EYA2: variants seen among roughly 807,000 people sequenced by gnomAD.
EYA2 encodes the protein EYA transcriptional coactivator and phosphatase 2, also known as protein phosphatase EYA2.
EYA2 carries 31 observed loss-of-function variants against 69.2 expected under a neutral mutation model. The ratio of observed to expected loss-of-function variants is 0.45; its 90% confidence interval spans 0.34 to 0.60. EYA2 has a LOEUF of 0.60. Ranked by LOEUF, EYA2 falls within the 20% of genes least tolerant of loss-of-function variation. EYA2 has a pLI of 0.02. For synonymous variants in EYA2, 257 were observed against 279.4 expected (o/e 0.92, Z 0.80); for missense variants, 622 against 701.2 (o/e 0.89, Z 1.28).
At chr20:46,989,270 G>A (rs3761149) in intron 1 of EYA2, among the ~76,000 whole-genome samples, 25 of 151,900 alleles carry the variant, frequency 1.6e-4, no homozygotes, top group African/African-American at 5.3e-4. Context: ...AAGTAGTACC[G>A]TGTTTGTTTG....
chr20:46,927,205 A>T (rs1985451476), intron 1 of EYA2, among the ~76,000 whole-genome samples: 1 of 152,228 alleles, frequency 6.6e-6, no homozygotes, highest in Non-Finnish European at 1.5e-5. Flanking sequence ...GTGTGCTTAC[A>T]TTGGAAATCA....
At chr20:47,024,824 C>T (rs547194937) in intron 5 of EYA2, among the ~76,000 whole-genome samples, 1 of 152,234 alleles carries the variant, frequency 6.6e-6, no homozygotes, top group Non-Finnish European at 1.5e-5. Context: ...GAGGGTAAAT[C>T]CAGACCTTGT....
At chr20:47,140,574 C>G (rs959422898) in intron 9 of EYA2, among the ~76,000 whole-genome samples, 4 of 152,216 alleles carry the variant, frequency 2.6e-5, no homozygotes, top group African/African-American at 9.6e-5. Context: ...TGTCGCTCCT[C>G]TCCCAACTCA....
chr20:46,950,140 G>C (rs1978708498), intron 1 of EYA2, among the ~76,000 whole-genome samples: 1 of 152,218 alleles, frequency 6.6e-6, no homozygotes, highest in Non-Finnish European at 1.5e-5. Context: ...AAAGGTGGTG[G>C]TGGACAGGGC....
intron 5 of EYA2, among the ~76,000 whole-genome samples, chr20:47,054,592 T>C (rs1010762520): frequency 6.6e-6 from 1 of 152,020 alleles, no homozygotes; most frequent in African/African-American, 2.4e-5. Context: ...AGACAGAAAA[T>C]GAGCACATTC....
chr20:47,136,843 G>A (rs1042257104), intron 9 of EYA2, among the ~76,000 whole-genome samples: 4 of 151,790 alleles, frequency 2.6e-5, no homozygotes, highest in Admixed American at 6.6e-5. Context: ...GTTCCAACTC[G>A]AAACCTCTTC....
chr20:47,131,350 C>G (rs76348594), intron 9 of EYA2, among the ~76,000 whole-genome samples: 3,332 of 152,302 alleles, frequency 0.022, 116 homozygotes, highest in East Asian at 0.09. Context: ...AATTTCCAAA[C>G]CACTGTCTAG....
At chr20:47,148,014 G>T (rs551547155) in intron 10 of EYA2, among the ~76,000 whole-genome samples, 1 of 132,844 alleles carries the variant, frequency 7.5e-6, no homozygotes, top group Non-Finnish European at 1.6e-5. Context: ...AGCAGAGATC[G>T]CCCCACTGTA....
At chr20:46,976,995 T>C (rs1428737138) in intron 1 of EYA2, among the ~76,000 whole-genome samples, 7 of 152,160 alleles carry the variant, frequency 4.6e-5, no homozygotes, top group African/African-American at 1.4e-4. Flanking sequence ...GCAGATACCA[T>C]GCAGCAGTGA....
intron 15 of EYA2, among the ~76,000 whole-genome samples, chr20:47,183,931 C>T (rs1600781176): frequency 6.6e-6 from 1 of 152,196 alleles, no homozygotes; most frequent in African/African-American, 2.4e-5. Context: ...AACCCGGAGG[C>T]CTGGGAAGTG....
chr20:47,037,391 G>A (rs1292626085), intron 5 of EYA2, among the ~76,000 whole-genome samples: 3 of 152,212 alleles, frequency 2.0e-5, no homozygotes, highest in African/African-American at 7.2e-5. Context: ...TAGACATGGC[G>A]CAAAAGAAGC....
At chr20:46,896,393 C>A (rs1003541254) in intron 1 of EYA2, among the ~76,000 whole-genome samples, 6 of 142,534 alleles carry the variant, frequency 4.2e-5, no homozygotes, top group Non-Finnish European at 9.0e-5. Context: ...CACATGTAAC[C>A]ATCCTGCTTA....
chr20:47,088,746 G>GA (rs1316176208), intron 7 of EYA2, among the ~76,000 whole-genome samples: 1 of 152,096 alleles, frequency 6.6e-6, no homozygotes. Context: ...ACCACCACAC[G>GA]AGGTCAACTT....
chr20:46,978,567 C>T, intron 1 of EYA2: 1 of 534,766 alleles, frequency 1.9e-6, no homozygotes, highest in Non-Finnish European at 3.8e-6. Flanking sequence ...CAGATCAAGG[C>T]TGTGTTCGGA....
At chr20:47,060,805 A>C (rs2030844995) in intron 5 of EYA2, among the ~76,000 whole-genome samples, 1 of 150,962 alleles carries the variant, frequency 6.6e-6, no homozygotes, top group Non-Finnish European at 1.5e-5. Context: ...CATGCACAGA[A>C]GTGAAGGGTC....
At chr20:47,030,707 T>A (rs1379633714) in intron 5 of EYA2, among the ~76,000 whole-genome samples, 1 of 151,400 alleles carries the variant, frequency 6.6e-6, no homozygotes, top group African/African-American at 2.4e-5. Flanking sequence ...ATATGCTCGC[T>A]CTGTGAACAC....
chr20:47,083,005 G>A (rs1215181912), intron 7 of EYA2, among the ~76,000 whole-genome samples: 1 of 152,082 alleles, frequency 6.6e-6, no homozygotes, highest in Non-Finnish European at 1.5e-5. Flanking sequence ...ACCAGCCTGA[G>A]CAACATAGCA....
At chr20:47,159,806 A>G (rs1287110904) in intron 10 of EYA2, among the ~76,000 whole-genome samples, 1 of 152,036 alleles carries the variant, frequency 6.6e-6, no homozygotes, top group Non-Finnish European at 1.5e-5. Context: ...TCTGGCCAAC[A>G]TGGTGAAACC....
chr20:47,038,448 A>G (rs1600660833), intron 5 of EYA2, among the ~76,000 whole-genome samples: 1 of 152,306 alleles, frequency 6.6e-6, no homozygotes, highest in East Asian at 1.9e-4. Context: ...CTGTAATCGC[A>G]CCATGGCACT....
Sources: allele counts gnomAD v4.1 joint callset (sites outside exome capture counted in the v4.1 genomes callset), GRCh38; gene constraint gnomAD v4.1.1; transcripts MANE v1.5; gene names NCBI Gene and HGNC (gene_info 2026-07-23, HGNC 2026-07-21).